Variants in PRICKLE2 observed in about 807,000 individuals in gnomAD.
The protein encoded by PRICKLE2 is prickle-like protein 2.
Under a neutral mutation model 81.4 loss-of-function variants are expected in PRICKLE2, and 21 were observed. The observed-to-expected ratio is 0.26, with a 90% CI of 0.18 to 0.37. PRICKLE2 has a LOEUF of 0.37. PRICKLE2 is among the 10% of genes least tolerant of loss of function. The pLI, the probability that PRICKLE2 is intolerant of heterozygous loss-of-function variation, is 1.00. For synonymous variants in PRICKLE2, 456 were observed against 421.5 expected (o/e 1.08, Z -1.00); for missense variants, 940 against 1,109.0 (o/e 0.85, Z 2.16).
At chr3:64,206,426 C>A (rs2078690911) in intron 1 of PRICKLE2, among the ~76,000 whole-genome samples, 1 of 152,200 alleles carries the variant, frequency 6.6e-6, no homozygotes, top group African/African-American at 2.4e-5. Flanking sequence ...CTATGCCAGC[C>A]CTTCCTTGCC....
At chr3:64,235,358 C>T (rs960919549) in intron 2 of PRICKLE2, among the ~76,000 whole-genome samples, 36 of 152,250 alleles carry the variant, frequency 2.4e-4, no homozygotes, top group African/African-American at 8.7e-4. Flanking sequence ...AAGTCTTTGC[C>T]TGCTAGCTCC....
intron 2 of PRICKLE2, among the ~76,000 whole-genome samples, chr3:64,181,190 C>T (rs973037889): frequency 5.9e-5 from 9 of 152,144 alleles, no homozygotes; most frequent in African/African-American, 2.2e-4. Context: ...TTATAGAATT[C>T]CGTTTATACA....
At position 64,178,527 on chromosome 3, in the gene PRICKLE2, C is replaced by T. The variant is rs9849161; in HGVS notation, c.145-15398G>A. Among the ~76,000 whole-genome samples the T allele has an allele frequency of 8.0e-3, 1,222 of 152,286 alleles. 17 individuals are homozygous for T. The highest frequency in any genetic ancestry group is 0.026 in the African/African-American group (1,063 of 41,554). ...ATGGACATGCCTAACTTTAAACGGA[C>T]TGAGAAAGTACATTCCCCCTTTGTG... On this transcript the variant is annotated intron_variant, in intron 2 of 7. Coordinates refer to ENST00000638394, the MANE Select transcript of PRICKLE2 (RefSeq NM_198859.4).
chr3:64,118,044 G>A (rs913127208), intron 7 of PRICKLE2, among the ~76,000 whole-genome samples: 3 of 152,150 alleles, frequency 2.0e-5, no homozygotes, highest in African/African-American at 7.2e-5. Context: ...ACAGAAGTAA[G>A]GCCACACACC....
At chr3:64,232,660 G>A (rs890036883) in intron 2 of PRICKLE2, among the ~76,000 whole-genome samples, 2 of 148,688 alleles carry the variant, frequency 1.3e-5, no homozygotes, top group African/African-American at 2.4e-5. Flanking sequence ...TCTGGTCTAG[G>A]GTAGGGTCTT....
chr3:64,199,100 C>T (rs568376088), intron 1 of PRICKLE2, 133 bp from the exon 2 acceptor site: 4 of 774,804 alleles, frequency 5.2e-6, no homozygotes, highest in South Asian at 1.6e-5. Context: ...GCAAAGGCAT[C>T]GCGAGCAGTG....
At chr3:64,233,974 G>A (rs778814851) in intron 2 of PRICKLE2, among the ~76,000 whole-genome samples, 1 of 151,914 alleles carries the variant, frequency 6.6e-6, no homozygotes, top group Non-Finnish European at 1.5e-5. Context: ...GTGTATTTTT[G>A]GTTCATCCTG....
chr3:64,237,301 G>C (rs1344202848), intron 2 of PRICKLE2, among the ~76,000 whole-genome samples: 1 of 152,166 alleles, frequency 6.6e-6, no homozygotes, highest in African/African-American at 2.4e-5. Context: ...CATCCAGCAG[G>C]AATCAGGTTG....
chr3:64,179,287 G>T (rs1174016393), intron 2 of PRICKLE2, among the ~76,000 whole-genome samples: 1 of 151,890 alleles, frequency 6.6e-6, no homozygotes, highest in Non-Finnish European at 1.5e-5. Context: ...TGTTGGTCAG[G>T]CTGGACTCGA....
intron 2 of PRICKLE2, among the ~76,000 whole-genome samples, chr3:64,179,436 T>C (rs1333106572): frequency 6.6e-6 from 1 of 152,152 alleles, no homozygotes; most frequent in Non-Finnish European, 1.5e-5. Context: ...AAACACTAGA[T>C]GGCACTTCAC....
At chr3:64,218,371 C>T (rs1281036069) in intron 1 of PRICKLE2, among the ~76,000 whole-genome samples, 1 of 152,236 alleles carries the variant, frequency 6.6e-6, no homozygotes, top group Non-Finnish European at 1.5e-5. Context: ...AATATAATTA[C>T]ACACACATTC....
intron 2 of PRICKLE2, among the ~76,000 whole-genome samples, chr3:64,264,145 G>T (rs2079659723): frequency 6.6e-6 from 1 of 151,862 alleles, no homozygotes; most frequent in South Asian, 2.1e-4. Context: ...GTAGATGCTT[G>T]GAATTAGACA....
chr3:64,267,100 T>A (rs756666522), intron 2 of PRICKLE2, among the ~76,000 whole-genome samples: 164 of 152,278 alleles, frequency 1.1e-3, no homozygotes, highest in Non-Finnish European at 2.0e-3. Context: ...GGTTTTAAAA[T>A]TTCCCAGGGC....
intron 1 of PRICKLE2, among the ~76,000 whole-genome samples, chr3:64,212,922 C>T (rs544788178): frequency 6.6e-6 from 1 of 152,184 alleles, no homozygotes; most frequent in South Asian, 2.1e-4. Flanking sequence ...GGGTGGTGAA[C>T]AATTCATTTT....
Position 64,099,550 on chromosome 3 carries a change from T to C in PRICKLE2, c.2036A>G (p.Asn679Ser), listed in dbSNP as rs1462151058. 4 of 1,608,948 alleles carry C rather than the reference T, an allele frequency of 2.5e-6. No individual in the cohort carries two copies. The highest frequency in any genetic ancestry group is 3.4e-6 in the Non-Finnish European group (4 of 1,176,328). ...GGACCTGTGAGGTCGGAAACGGCGG[T>C]TGTCGTCGCGTGAAGTAGCTCTTCT... Reference protein sequence around the residue: ...TRRRATSRDDNRRFRPHRSRR... With the variant: ...TRRRATSRDDSRRFRPHRSRR... Residue 679 changes from asparagine to serine, a missense_variant, in exon 8 of 8, where the codon AAC becomes AGC. Coordinates refer to ENST00000638394, the MANE Select transcript of PRICKLE2 (RefSeq NM_198859.4). This position sits in a 1 kb window ranked among gnomAD's most constrained non-coding sequence, Gnocchi z 4.3.
intron 7 of PRICKLE2, among the ~76,000 whole-genome samples, chr3:64,126,842 CTGAGATTACAGGTG>C (rs1292381273): frequency 1.3e-5 from 2 of 152,096 alleles, no homozygotes; most frequent in Non-Finnish European, 2.9e-5. Context: ...TCCCAAAGTG[CTGAGATTACAGGTG>C]TGAGCCACTG....
intron 7 of PRICKLE2, chr3:64,102,487 G>A (rs2076683123): frequency 6.6e-6 from 1 of 152,374 alleles, no homozygotes; most frequent in African/African-American, 2.4e-5. Context: ...CATGCCTGAT[G>A]ATCCATAACT....
chr3:64,148,807 T>G (rs1260827887), intron 6 of PRICKLE2, among the ~76,000 whole-genome samples: 1 of 152,202 alleles, frequency 6.6e-6, no homozygotes, highest in African/African-American at 2.4e-5. Flanking sequence ...CAGCAGACAC[T>G]GCATTTGCTG....
At chr3:64,213,017 T>C (rs1025030201) in intron 1 of PRICKLE2, among the ~76,000 whole-genome samples, 7 of 152,048 alleles carry the variant, frequency 4.6e-5, no homozygotes, top group African/African-American at 1.7e-4. Flanking sequence ...TACCAAAGGA[T>C]TATGTATCCT....
Sources: allele counts gnomAD v4.1 joint callset (sites outside exome capture counted in the v4.1 genomes callset), GRCh38; gene constraint gnomAD v4.1.1; non-coding constraint Gnocchi (gnomAD v3.1); transcripts MANE v1.5; gene names NCBI Gene and HGNC (gene_info 2026-07-23, HGNC 2026-07-21).